DNER: variants seen among roughly 807,000 people sequenced by gnomAD.
DNER encodes the protein delta and Notch-like epidermal growth factor-related receptor.
Under a neutral mutation model 78.2 loss-of-function variants are expected in DNER, and 33 were observed. That is an observed-to-expected ratio of 0.42 (90% confidence interval 0.32 to 0.56). The LOEUF is 0.56. DNER is among the 20% of genes least tolerant of loss of function. The pLI, the probability that DNER is intolerant of heterozygous loss-of-function variation, is 0.11. For missense variants in DNER, 918 were observed against 975.3 expected (o/e 0.94, Z 0.78); for synonymous variants, 417 against 384.8 (o/e 1.08, Z -0.98).
chr2:229,385,315 G>A (rs373050283), intron 11 of DNER, among the ~76,000 whole-genome samples: 4 of 152,074 alleles, frequency 2.6e-5, no homozygotes, highest in African/African-American at 9.7e-5. Flanking sequence ...GGTATTGACA[G>A]AACGTATCTC....
At chr2:229,438,226 C>T (rs981679314) in intron 8 of DNER, among the ~76,000 whole-genome samples, 1 of 152,198 alleles carries the variant, frequency 6.6e-6, no homozygotes, top group Non-Finnish European at 1.5e-5. Context: ...AAGTAGGAAA[C>T]GTCTATTGGT....
intron 8 of DNER, among the ~76,000 whole-genome samples, chr2:229,437,061 C>G (rs1694136926): frequency 6.6e-6 from 1 of 152,168 alleles, no homozygotes; most frequent in Non-Finnish European, 1.5e-5. Context: ...CCATCTCACA[C>G]ACAATGATAC....
At chr2:229,630,174 AC>A (rs1698409661) in intron 1 of DNER, among the ~76,000 whole-genome samples, 1 of 152,168 alleles carries the variant, frequency 6.6e-6, no homozygotes, top group African/African-American at 2.4e-5. Flanking sequence ...TTATAGACTC[AC>A]AAAAAATAAA....
chr2:229,652,518 A>C (rs1698837812), intron 1 of DNER, among the ~76,000 whole-genome samples: 3 of 152,236 alleles, frequency 2.0e-5, no homozygotes, highest in Admixed American at 2.0e-4. Context: ...ATGATGTTAA[A>C]GAGAGAGGTG....
At chr2:229,595,563 T>C (rs1313379027) in intron 1 of DNER, among the ~76,000 whole-genome samples, 1 of 152,216 alleles carries the variant, frequency 6.6e-6, no homozygotes, top group Non-Finnish European at 1.5e-5. Flanking sequence ...ATTATAGACA[T>C]GAGCCACTGT....
rs573472272 is a variant in DNER, at chr2:229,441,505, T to C, written c.1486+5811A>G. Among the ~76,000 whole-genome samples, 4 of 152,166 alleles carry C rather than the reference T, an allele frequency of 2.6e-5. No individual in the cohort carries two copies. In the South Asian group the frequency reaches 8.3e-4, roughly 32 times the overall value. On this transcript the variant is annotated intron_variant, in intron 8 of 12. Coordinates refer to ENST00000341772, the MANE Select transcript of DNER (RefSeq NM_139072.4). Reference sequence around the variant, plus strand: ...TAGGATTTGAACTCTGGTTAGGTTATTTGGGGAGATTTCACTCTAGAGTGA... The same window carrying C: ...TAGGATTTGAACTCTGGTTAGGTTACTTGGGGAGATTTCACTCTAGAGTGA...
chr2:229,510,831 T>C (rs1403722880), intron 6 of DNER, among the ~76,000 whole-genome samples: 1 of 152,128 alleles, frequency 6.6e-6, no homozygotes, highest in African/African-American at 2.4e-5. Flanking sequence ...ATGAATGAGG[T>C]CACTCCATAT....
chr2:229,403,030 C>T (rs1041223318), intron 10 of DNER, among the ~76,000 whole-genome samples: 11 of 152,198 alleles, frequency 7.2e-5, no homozygotes, highest in Admixed American at 2.6e-4. Flanking sequence ...ATACCACACC[C>T]TATACTTTAT....
At chr2:229,535,810 ATTG>A (rs1222705103) in intron 5 of DNER, among the ~76,000 whole-genome samples, 2 of 151,932 alleles carry the variant, frequency 1.3e-5, no homozygotes, top group Non-Finnish European at 2.9e-5. Context: ...TATCCAGCTA[ATTG>A]TTGTATTTTT....
intron 1 of DNER, among the ~76,000 whole-genome samples, chr2:229,633,572 G>A (rs1300388082): frequency 6.6e-6 from 1 of 152,176 alleles, no homozygotes; most frequent in Non-Finnish European, 1.5e-5. Flanking sequence ...TAAGATTTTA[G>A]CAGACAAAAA....
At chr2:229,372,000 C>T (rs1470820053) in intron 11 of DNER, among the ~76,000 whole-genome samples, 1 of 152,048 alleles carries the variant, frequency 6.6e-6, no homozygotes, top group African/African-American at 2.4e-5. Context: ...TCAAAGCAGT[C>T]AGTGAGATTG....
intron 8 of DNER, among the ~76,000 whole-genome samples, chr2:229,423,354 C>T (rs911618505): frequency 6.6e-6 from 1 of 152,088 alleles, no homozygotes; most frequent in Non-Finnish European, 1.5e-5. Context: ...GTGGCTCACC[C>T]CTGTAATCCC....
At chr2:229,393,894 C>T (rs1693074085) in intron 10 of DNER, among the ~76,000 whole-genome samples, 1 of 152,090 alleles carries the variant, frequency 6.6e-6, no homozygotes, top group African/African-American at 2.4e-5. Flanking sequence ...AGCAGAGACT[C>T]TGACCCATTG....
intron 1 of DNER, among the ~76,000 whole-genome samples, chr2:229,610,896 G>T (rs1308132176): frequency 6.6e-6 from 1 of 152,262 alleles, no homozygotes; most frequent in African/African-American, 2.4e-5. Context: ...AGGCACCACA[G>T]ATTATATTTT....
chr2:229,482,461 T>C (rs1004244483), intron 6 of DNER, among the ~76,000 whole-genome samples: 5 of 152,236 alleles, frequency 3.3e-5, no homozygotes, highest in African/African-American at 1.2e-4. Flanking sequence ...GGCTAAAAGA[T>C]ACCGCACGGT....
intron 1 of DNER, among the ~76,000 whole-genome samples, chr2:229,616,801 T>C (rs963789565): frequency 4.6e-5 from 7 of 152,202 alleles, no homozygotes; most frequent in African/African-American, 1.7e-4. Flanking sequence ...AAGGCTCACA[T>C]AGGCTAAGTG....
At chr2:229,540,892 G>C (rs1241343781) in intron 5 of DNER, among the ~76,000 whole-genome samples, 1 of 152,240 alleles carries the variant, frequency 6.6e-6, no homozygotes, top group Admixed American at 6.5e-5. Context: ...TAAGGCAAGA[G>C]ACAGTGAGGT....
intron 1 of DNER, among the ~76,000 whole-genome samples, chr2:229,618,563 C>A (rs1300839766): frequency 1.3e-5 from 2 of 152,156 alleles, no homozygotes; most frequent in African/African-American, 4.8e-5. Flanking sequence ...AGCTGGTGCC[C>A]CGGACGCACA....
At chr2:229,576,137 TA>T (rs1697296011) in intron 4 of DNER, among the ~76,000 whole-genome samples, 1 of 152,194 alleles carries the variant, frequency 6.6e-6, no homozygotes, top group African/African-American at 2.4e-5. Flanking sequence ...ATTGTGGTTT[TA>T]AAATGACCAT....
Sources: gnomAD v4.1 joint callset for allele counts (sites outside exome capture counted in the v4.1 genomes callset) on GRCh38, gnomAD v4.1.1 for gene constraint, MANE v1.5 for transcripts, NCBI Gene and HGNC (gene_info 2026-07-23, HGNC 2026-07-21) for gene names.